CHODL: variants seen among roughly 807,000 people sequenced by gnomAD.
CHODL encodes the protein chondrolectin.
In CHODL, 29 loss-of-function variants were observed where a neutral mutation model predicts 34.5. The observed-to-expected ratio is 0.84, with a 90% CI of 0.63 to 1.15. The LOEUF is 1.15. CHODL is among the 50% of genes most tolerant of loss of function. CHODL has a pLI of 0.00. For missense variants in CHODL, 332 were observed against 332.5 expected, an observed-to-expected ratio of 1.00 and a Z score of 0.01; for synonymous variants, 125 against 116.1, an observed-to-expected ratio of 1.08 and a Z score of -0.49.
intron 1 of CHODL, among the ~76,000 whole-genome samples, chr21:17,992,750 A>G (rs1259765529): frequency 9.5e-5 from 10 of 105,688 alleles, no homozygotes; most frequent in Non-Finnish European, 1.8e-4. Flanking sequence ...TTTTCCAGAC[A>G]GAGTTTCACT....
chr21:17,936,670 A>G (rs182659715), intron 1 of CHODL, among the ~76,000 whole-genome samples: 3 of 152,342 alleles, frequency 2.0e-5, no homozygotes, highest in East Asian at 1.9e-4. Flanking sequence ...TGCCGTGGAC[A>G]TAAGTGGTAA....
At chr21:18,118,790 C>T (rs1353407564) in intron 2 of CHODL, among the ~76,000 whole-genome samples, 1 of 152,180 alleles carries the variant, frequency 6.6e-6, no homozygotes, top group African/African-American at 2.4e-5. Context: ...GCTCTTCTGT[C>T]TTGAAAGGGC....
chr21:18,093,228 T>G (rs771976967), intron 2 of CHODL, among the ~76,000 whole-genome samples: 1 of 152,162 alleles, frequency 6.6e-6, no homozygotes, highest in African/African-American at 2.4e-5. Flanking sequence ...CCTAGAATAA[T>G]GTATTAAGTG....
At chr21:18,098,957 T>C (rs934203199) in intron 2 of CHODL, among the ~76,000 whole-genome samples, 4 of 152,072 alleles carry the variant, frequency 2.6e-5, no homozygotes, top group African/African-American at 9.7e-5. Context: ...CATTATGTTA[T>C]GTAAAACAAG....
At chr21:17,962,535 G>T (rs1053742086) in intron 1 of CHODL, among the ~76,000 whole-genome samples, 1 of 152,042 alleles carries the variant, frequency 6.6e-6, no homozygotes. Flanking sequence ...TCTGGGGTAG[G>T]GTGGCTCCGT....
At chr21:18,024,631 G>T (rs895758862) in intron 1 of CHODL, 1 of 152,098 alleles carries the variant, frequency 6.6e-6, no homozygotes, top group Admixed American at 6.6e-5. Context: ...CTGACATAGT[G>T]GGAAGGAGGG....
chr21:17,955,347 T>C lies in CHODL; in HGVS notation c.-145+37947T>C, dbSNP rs746948109. Among the ~76,000 whole-genome samples, 17 of 137,488 alleles carry C rather than the reference T, an allele frequency of 1.2e-4. 2 individuals carry two copies. The highest frequency in any genetic ancestry group is 8.6e-4 in the Admixed American group (12 of 13,960). 90.2% of individuals were successfully genotyped at this position (137,488 alleles called of 152,430 possible). A position where few individuals can be genotyped will look rare whatever the true frequency, so the allele number is the denominator to read the frequency against. On this transcript the variant is annotated intron_variant, in intron 1 of 6. Coordinates refer to the CHODL transcript ENST00000400127. Reference sequence around the variant, plus strand: ...CCTATTGTCCATTTCTGAAAAAGTTTTCCTGAGAAAAACCCTGACTTCTTT... The same window carrying C: ...CCTATTGTCCATTTCTGAAAAAGTTCTCCTGAGAAAAACCCTGACTTCTTT...
intron 2 of CHODL, among the ~76,000 whole-genome samples, chr21:18,173,861 G>A (rs577939969): frequency 6.6e-6 from 1 of 151,252 alleles, no homozygotes; most frequent in African/African-American, 2.4e-5. Flanking sequence ...GTAAGTAAAG[G>A]CTAAATTAAA....
At chr21:17,974,720 A>G (rs2063646993) in intron 1 of CHODL, among the ~76,000 whole-genome samples, 1 of 152,002 alleles carries the variant, frequency 6.6e-6, no homozygotes, top group African/African-American at 2.4e-5. Flanking sequence ...ATTGTATAGT[A>G]TAATTTGAAA....
At chr21:18,137,838 T>G (rs1258607335) in intron 2 of CHODL, among the ~76,000 whole-genome samples, 1 of 152,216 alleles carries the variant, frequency 6.6e-6, no homozygotes, top group African/African-American at 2.4e-5. Context: ...ACCATTATGA[T>G]AGCTTATATG....
chr21:18,068,123 T>C (rs1600960669), intron 2 of CHODL, among the ~76,000 whole-genome samples: 1 of 152,126 alleles, frequency 6.6e-6, no homozygotes. Flanking sequence ...TCCTTCAAAC[T>C]ATGGCCCCAA....
chr21:17,980,958 C>T (rs1319290578), intron 1 of CHODL, among the ~76,000 whole-genome samples: 1 of 152,140 alleles, frequency 6.6e-6, no homozygotes, highest in Non-Finnish European at 1.5e-5. Context: ...ACCTGTGTGA[C>T]CTTCAGTGAA....
intron 2 of CHODL, among the ~76,000 whole-genome samples, chr21:18,185,389 A>G (rs1336394811): frequency 6.6e-6 from 1 of 152,158 alleles, no homozygotes; most frequent in Non-Finnish European, 1.5e-5. Flanking sequence ...CCCATGGTGT[A>G]TATGTGCCAC....
rs143393447 is a variant in CHODL, at chr21:18,101,035, C to G, written c.-45+73064C>G. On this transcript the variant is annotated intron_variant, in intron 2 of 6. Transcript: ENST00000400127. ...TATGGTTTGGCTCTGTGTCCCCACCCAAATCTCATCTTGTAGCTCAATGAT... is the reference window on the plus strand; with the variant it reads ...TATGGTTTGGCTCTGTGTCCCCACCGAAATCTCATCTTGTAGCTCAATGAT... Among the ~76,000 whole-genome samples the G allele has an allele frequency of 1.2e-3, 176 of 152,192 alleles. 1 individual carries two copies. Among genetic ancestry groups the G allele is most frequent in the African/African-American group, 4.0e-3 (166 of 41,538 alleles).
At chr21:18,045,696 T>C (rs971206421) in intron 2 of CHODL, among the ~76,000 whole-genome samples, 1 of 151,968 alleles carries the variant, frequency 6.6e-6, no homozygotes, top group Admixed American at 6.6e-5. Flanking sequence ...GAATCCCCAA[T>C]GCATCAGTAT....
In CHODL at chr21:17,937,081, CAAAAAAAA is replaced by C. The variant is rs71189570; in HGVS notation, c.-145+19693_-145+19700del. Among the ~76,000 whole-genome samples, 9 of 94,716 alleles carry C rather than the reference CAAAAAAAA, an allele frequency of 9.5e-5. No individual in the cohort carries two copies. In the East Asian group the frequency reaches 2.8e-3, roughly 29 times the overall value. The allele number at this position is 94,716 out of a possible 152,430, so 62.1% of individuals were successfully genotyped here. On this transcript the variant is annotated intron_variant, in intron 1 of 6. Coordinates refer to the CHODL transcript ENST00000400127. ...TGGGTGACAGGGTGAGACTCCATCTCAAAAAAAAAAAAAAAAAAATTAGGAGGAAGAGG... is the reference window on the plus strand; with the variant it reads ...TGGGTGACAGGGTGAGACTCCATCTCAAAAAAAAAAATTAGGAGGAAGAGG...
chr21:18,000,649 TC>T (rs1393731059), intron 1 of CHODL, among the ~76,000 whole-genome samples: 2 of 152,172 alleles, frequency 1.3e-5, no homozygotes, highest in African/African-American at 4.8e-5. Flanking sequence ...TTTAAAAACT[TC>T]CTTGGGTCAT....
chr21:17,932,687 T>G (rs1397845219), intron 1 of CHODL, among the ~76,000 whole-genome samples: 1 of 152,210 alleles, frequency 6.6e-6, no homozygotes, highest in Non-Finnish European at 1.5e-5. Flanking sequence ...GCCATTATTC[T>G]AAGTGAAAAA....
intron 2 of CHODL, among the ~76,000 whole-genome samples, chr21:18,107,831 T>C (rs1289237561): frequency 6.6e-6 from 1 of 152,200 alleles, no homozygotes; most frequent in Non-Finnish European, 1.5e-5. Flanking sequence ...AAGTGAGAAG[T>C]ACAATGACTA....
Sources: allele counts gnomAD v4.1 joint callset (sites outside exome capture counted in the v4.1 genomes callset), GRCh38; gene constraint gnomAD v4.1.1; transcripts MANE v1.5; gene names NCBI Gene and HGNC (gene_info 2026-07-23, HGNC 2026-07-21).